Variants in SLC35F1 observed in about 807,000 individuals in gnomAD.
SLC35F1 encodes the protein solute carrier family 35 member F1.
In SLC35F1, 14 loss-of-function variants were observed where a neutral mutation model predicts 48.7. The ratio of observed to expected loss-of-function variants is 0.29; its 90% CI spans 0.19 to 0.45. SLC35F1 has a LOEUF of 0.45. Ranked by LOEUF, SLC35F1 falls within the 20% of genes least tolerant of loss-of-function variation. The pLI is 1.00. For synonymous variants in SLC35F1, 190 were observed against 202.2 expected, an observed-to-expected ratio of 0.94 and a Z score of 0.51; for missense variants, 404 against 500.0, an observed-to-expected ratio of 0.81 and a Z score of 1.83.
At chr6:118,097,643 T>C (rs1052556166) in intron 1 of SLC35F1, among the ~76,000 whole-genome samples, 2 of 152,226 alleles carry the variant, frequency 1.3e-5, no homozygotes, top group Non-Finnish European at 2.9e-5. Flanking sequence ...GATTGCTTTA[T>C]GCAGGAAATT....
intron 3 of SLC35F1, 100 bp from the exon 4 acceptor site, chr6:118,266,895 A>C: frequency 1.5e-6 from 2 of 1,320,972 alleles, no homozygotes. Context: ...TTCAGGGGAA[A>C]GGCAGAACCC....
chr6:118,306,864 C>T (rs1035420160), intron 7 of SLC35F1, among the ~76,000 whole-genome samples: 2 of 152,186 alleles, frequency 1.3e-5, no homozygotes, highest in Non-Finnish European at 2.9e-5. Context: ...CTCCCGATTG[C>T]TGTATTCATG....
intron 2 of SLC35F1, among the ~76,000 whole-genome samples, chr6:118,215,587 G>T (rs143481062): frequency 3.9e-5 from 6 of 152,238 alleles, no homozygotes; most frequent in Non-Finnish European, 5.9e-5. Flanking sequence ...CAGAAATGAC[G>T]ATATGATGGA....
chr6:118,093,550 G>T (rs572839533), intron 1 of SLC35F1, among the ~76,000 whole-genome samples: 1 of 152,154 alleles, frequency 6.6e-6, no homozygotes, highest in Non-Finnish European at 1.5e-5. Context: ...GGGAACTTCC[G>T]CTACACAAGC....
rs534637518 is a variant in SLC35F1, at chr6:118,132,937, C to T, written c.174-21508C>T. Among the ~76,000 whole-genome samples, 11 of 152,216 alleles carry T rather than the reference C, an allele frequency of 7.2e-5. No homozygotes were observed. In the South Asian group the frequency reaches 2.1e-3, roughly 29 times the overall value. ...TTTAGTGGTCAAGACCACACAGGAG[C>T]CCATGCTGCTTCTAGAGGAAGGCAT... On this transcript the variant is annotated intron_variant, in intron 1 of 7. Transcript: ENST00000360388.
At chr6:118,184,671 G>T (rs1342281965) in intron 2 of SLC35F1, among the ~76,000 whole-genome samples, 1 of 152,148 alleles carries the variant, frequency 6.6e-6, no homozygotes, top group African/African-American at 2.4e-5. Flanking sequence ...AAGTCTTCTG[G>T]AAGGACTTTG....
At chr6:117,980,575 G>A (rs568569446) in intron 1 of SLC35F1, among the ~76,000 whole-genome samples, 6 of 152,270 alleles carry the variant, frequency 3.9e-5, no homozygotes, top group African/African-American at 1.4e-4. Context: ...ACAATTATTA[G>A]TACCCTATAT....
chr6:118,141,524 A>G (rs1464794395), intron 1 of SLC35F1, among the ~76,000 whole-genome samples: 1 of 152,206 alleles, frequency 6.6e-6, no homozygotes, highest in Non-Finnish European at 1.5e-5. Flanking sequence ...AGTGGATGGA[A>G]GTCCAAGATC....
intron 1 of SLC35F1, among the ~76,000 whole-genome samples, chr6:118,051,560 A>G (rs1772392059): frequency 6.6e-6 from 1 of 152,218 alleles, no homozygotes; most frequent in Admixed American, 6.5e-5. Flanking sequence ...TCACTGTTTA[A>G]GTCTTTGGGT....
chr6:118,029,906 T>C (rs1243486523), intron 1 of SLC35F1, among the ~76,000 whole-genome samples: 1 of 152,182 alleles, frequency 6.6e-6, no homozygotes, highest in African/African-American at 2.4e-5. Context: ...TTTCCTTTCT[T>C]TTACTTACAG....
chr6:118,315,370 A>C lies in SLC35F1; in HGVS notation c.*1118A>C, dbSNP rs913746894. ...GCAGTGGTAACAATGTCATCATTGAAAAAGTCTGGCATTTTGGTCATATTT... is the reference window on the plus strand; with the variant it reads ...GCAGTGGTAACAATGTCATCATTGACAAAGTCTGGCATTTTGGTCATATTT... On this transcript the variant is annotated 3_prime_UTR_variant, in exon 8 of 8. Transcript: ENST00000360388. 6.6e-6 allele frequency: 1 copy of C among 152,500 alleles called. No individual in the cohort carries two copies. The highest frequency in any genetic ancestry group is 6.5e-5 in the Admixed American group (1 of 15,268). 9.4% of individuals were successfully genotyped at this position (152,500 alleles called of 1,614,324 possible).
chr6:117,962,483 C>T (rs1415158612), intron 1 of SLC35F1, among the ~76,000 whole-genome samples: 1 of 152,200 alleles, frequency 6.6e-6, no homozygotes, highest in East Asian at 1.9e-4. Context: ...ACCACACACA[C>T]AAACACACAA....
At chr6:118,083,160 A>G (rs1772937376) in intron 1 of SLC35F1, among the ~76,000 whole-genome samples, 1 of 152,192 alleles carries the variant, frequency 6.6e-6, no homozygotes, top group Non-Finnish European at 1.5e-5. Flanking sequence ...AAGGAGAATA[A>G]GTTTCTTATC....
intron 2 of SLC35F1, among the ~76,000 whole-genome samples, chr6:118,219,901 AG>A (rs1775123824): frequency 6.6e-6 from 1 of 152,162 alleles, no homozygotes; most frequent in South Asian, 2.1e-4. Context: ...CATCATTCTG[AG>A]CAAACTATCG....
intron 1 of SLC35F1, among the ~76,000 whole-genome samples, chr6:118,143,703 T>A (rs192824324): frequency 5.3e-4 from 81 of 152,332 alleles, no homozygotes; most frequent in African/African-American, 1.9e-3. Context: ...AAAGTGTTGG[T>A]ACTTCCAAAT....
At chr6:117,971,810 C>T (rs1315603234) in intron 1 of SLC35F1, among the ~76,000 whole-genome samples, 5 of 152,226 alleles carry the variant, frequency 3.3e-5, no homozygotes, top group Non-Finnish European at 7.3e-5. Flanking sequence ...TCTGGGGCTA[C>T]ATAGAGGACA....
chr6:118,047,159 C>G (rs1218742068), intron 1 of SLC35F1, among the ~76,000 whole-genome samples: 2 of 152,130 alleles, frequency 1.3e-5, no homozygotes, highest in Admixed American at 1.3e-4. Flanking sequence ...GTTACTGAAA[C>G]TTTCTGCTGT....
chr6:118,261,517 T>C (rs1385797369), intron 3 of SLC35F1, among the ~76,000 whole-genome samples: 1 of 152,172 alleles, frequency 6.6e-6, no homozygotes. Flanking sequence ...AGTAACAGAA[T>C]GCAGGTCAGC....
chr6:118,168,701 C>T (rs898424503), intron 2 of SLC35F1, among the ~76,000 whole-genome samples: 2 of 152,072 alleles, frequency 1.3e-5, no homozygotes, highest in African/African-American at 4.8e-5. Context: ...CCCAAGTGAC[C>T]CCTCTATGTA....
Sources: gnomAD v4.1 joint callset for allele counts (sites outside exome capture counted in the v4.1 genomes callset) on GRCh38, gnomAD v4.1.1 for gene constraint, MANE v1.5 for transcripts, NCBI Gene and HGNC (gene_info 2026-07-23, HGNC 2026-07-21) for gene names.